Variants in OSBP2 observed in about 807,000 individuals in gnomAD.
The protein encoded by OSBP2 is oxysterol binding protein 2.
A neutral mutation model predicts 96.0 loss-of-function variants in OSBP2; 66 were observed. That is an observed-to-expected ratio of 0.69 (90% confidence interval 0.56 to 0.84). OSBP2 has a LOEUF of 0.84. OSBP2 is among the 40% of genes least tolerant of loss of function. OSBP2 has a pLI of 0.00. For missense variants in OSBP2, 1,038 were observed against 1,222.7 expected, an observed-to-expected ratio of 0.85 and a Z score of 2.25; for synonymous variants, 525 against 520.9, an observed-to-expected ratio of 1.01 and a Z score of -0.11.
intron 1 of OSBP2, among the ~76,000 whole-genome samples, chr22:30,726,057 G>A (rs947115504): frequency 6.6e-5 from 10 of 152,152 alleles, no homozygotes; most frequent in Non-Finnish European, 1.0e-4. Context: ...TGGGATTACA[G>A]GCATGAGCCC....
At chr22:30,837,132 T>A (rs1318167368) in intron 2 of OSBP2, among the ~76,000 whole-genome samples, 2 of 151,848 alleles carry the variant, frequency 1.3e-5, no homozygotes, top group Non-Finnish European at 2.9e-5. Flanking sequence ...TGTAGTGGCA[T>A]CTACCTGTAA....
In OSBP2 at chr22:30,710,963, C is replaced by T. The variant is rs192581874; in HGVS notation, c.644+15410C>T. On this transcript the variant is annotated intron_variant, in intron 1 of 13. Coordinates refer to ENST00000332585, the MANE Select transcript of OSBP2 (RefSeq NM_030758.4). ...TTCACCATGTTGGCCAGGCTGGTCT[C>T]GAACTCCTTGACCTCAGGCGATCCG... 1.2e-4 allele frequency among the ~76,000 whole-genome samples: 18 copies of T among 152,090 alleles called. No homozygotes were observed. In the East Asian group the frequency reaches 1.4e-3, roughly 11 times the overall value.
chr22:30,760,181 T>G (rs1181501934), intron 2 of OSBP2, among the ~76,000 whole-genome samples: 1 of 150,830 alleles, frequency 6.6e-6, no homozygotes, highest in African/African-American at 2.4e-5. Flanking sequence ...TTTTTTTTTT[T>G]GAGACAGAGT....
At position 30,884,250 on chromosome 22, in the gene OSBP2, C is replaced by T. The variant is rs1309627915; in HGVS notation, c.1108-3176C>T. On this transcript the variant is annotated intron_variant, in intron 3 of 13. Coordinates refer to ENST00000332585, the MANE Select transcript of OSBP2 (RefSeq NM_030758.4). The stretch of plus-strand genomic sequence containing the variant: ...AGGCCTTTCCCCCTGCCTCAACCTG[C>T]AGGGAGGAGACCTTCATCTGTCCAA... 2.6e-5 allele frequency among the ~76,000 whole-genome samples: 4 copies of T among 152,214 alleles called. No individual in the cohort carries two copies. In the East Asian group the frequency reaches 7.7e-4, roughly 29 times the overall value.
rs2039434206 is a variant in OSBP2 at position 30,870,446 on chromosome 22, G to A, written c.871G>A (p.Asp291Asn). 1.2e-6 allele frequency: 2 copies of A among 1,613,866 alleles called. No individual in the cohort carries two copies. The highest frequency in any genetic ancestry group is 1.1e-5 in the South Asian group (1 of 91,074). Residue 291 changes from aspartate (D) to asparagine (N), a missense_variant, in exon 3 of 14, where the codon GAC becomes AAC. This residue lies in a region of OSBP2 where 737 missense variants were observed against 913.3 expected (regional missense o/e 0.81). Coordinates refer to ENST00000332585, the MANE Select transcript of OSBP2 (RefSeq NM_030758.4). This position sits in a 1 kb window ranked among gnomAD's most constrained non-coding sequence, Gnocchi z 4.1. ...NTHSDDSGDD[D>N]EATTPADKSE... is the part of the protein sequence containing the mutation. ...TTCCACAGATGACTCTGGGGACGAC[G>A]ACGAGGCTACCACCCCAGCCGACAA... is the stretch of plus-strand genomic sequence containing the variant.
At chr22:30,814,436 T>TG (rs200022692) in intron 2 of OSBP2, among the ~76,000 whole-genome samples, 2,167 of 118,778 alleles carry the variant, frequency 0.018, 54 homozygotes, top group African/African-American at 0.1. Context: ...CTCGTTGGGT[T>TG]TTTTTTTTTT....
At chr22:30,850,556 G>A (rs542201195) in intron 2 of OSBP2, among the ~76,000 whole-genome samples, 2 of 152,258 alleles carry the variant, frequency 1.3e-5, no homozygotes, top group African/African-American at 4.8e-5. Context: ...CTAGAGTGCA[G>A]TGGTGTGATC....
chr22:30,709,071 CCTG>C (rs1343813102), intron 1 of OSBP2, among the ~76,000 whole-genome samples: 1 of 151,658 alleles, frequency 6.6e-6, no homozygotes, highest in Non-Finnish European at 1.5e-5. Context: ...TGCACTCTAG[CCTG>C]GACAACAAGA....
At chr22:30,707,158 G>A (rs2089267765) in intron 1 of OSBP2, among the ~76,000 whole-genome samples, 1 of 151,860 alleles carries the variant, frequency 6.6e-6, no homozygotes, top group Non-Finnish European at 1.5e-5. Flanking sequence ...GTGCAGTGGC[G>A]TGATCTCAGC....
chr22:30,760,111 G>T (rs188287359), intron 2 of OSBP2, among the ~76,000 whole-genome samples: 3 of 150,298 alleles, frequency 2.0e-5, no homozygotes, highest in East Asian at 1.9e-4. Flanking sequence ...CAGGTGATCC[G>T]CCTGCCTTGG....
intron 1 of OSBP2, among the ~76,000 whole-genome samples, chr22:30,710,463 C>G (rs1384929760): frequency 6.6e-6 from 1 of 152,068 alleles, no homozygotes; most frequent in Non-Finnish European, 1.5e-5. Context: ...TCATGTTGTC[C>G]GGCCATGTCT....
At chr22:30,809,879 C>A in intron 2 of OSBP2, among the ~76,000 whole-genome samples, 2 of 152,098 alleles carry the variant, frequency 1.3e-5, no homozygotes, top group Non-Finnish European at 2.9e-5. Context: ...TATAGGGACA[C>A]AAGGAGAAGG....
chr22:30,764,317 G>A, intron 2 of OSBP2: 1 of 985,250 alleles, frequency 1.0e-6, no homozygotes, highest in South Asian at 4.7e-5. Flanking sequence ...GGTGGCTGGT[G>A]GCCCTAGAGG....
intron 2 of OSBP2, among the ~76,000 whole-genome samples, chr22:30,840,252 A>G (rs1185039724): frequency 6.6e-6 from 1 of 151,634 alleles, no homozygotes; most frequent in Non-Finnish European, 1.5e-5. Context: ...CTTGTTGCAA[A>G]CAAACCCTGG....
intron 2 of OSBP2, among the ~76,000 whole-genome samples, chr22:30,792,919 A>G (rs1310518101): frequency 1.3e-5 from 2 of 152,172 alleles, no homozygotes; most frequent in Non-Finnish European, 2.9e-5. Flanking sequence ...TACATGCATT[A>G]TGGGTCATCT....
intron 6 of OSBP2, 29 bp from the exon 7 acceptor site, chr22:30,889,461 C>T (rs570467226): frequency 1.5e-4 from 234 of 1,613,502 alleles, no homozygotes; most frequent in South Asian, 4.0e-4. Context: ...CCTCTGCTGA[C>T]GGTGAGGGGG....
At chr22:30,872,909 G>C (rs117434456) in intron 3 of OSBP2, among the ~76,000 whole-genome samples, 32 of 152,304 alleles carry the variant, frequency 2.1e-4, no homozygotes, top group Non-Finnish European at 4.1e-4. Flanking sequence ...AGGCAAAGCC[G>C]GCCACTTGCC....
intron 2 of OSBP2, among the ~76,000 whole-genome samples, chr22:30,843,450 C>T (rs967876773): frequency 7.5e-6 from 1 of 133,172 alleles, no homozygotes; most frequent in Non-Finnish European, 1.6e-5. Context: ...TCTTTCCCCC[C>T]TCCCCCTTGA....
At chr22:30,698,984 C>T (rs1048087265) in intron 1 of OSBP2, among the ~76,000 whole-genome samples, 17 of 152,062 alleles carry the variant, frequency 1.1e-4, no homozygotes, top group African/African-American at 4.1e-4. Context: ...TTCTGTTGCC[C>T]AGGCTGGAGC....
Sources: allele counts gnomAD v4.1 joint callset (sites outside exome capture counted in the v4.1 genomes callset), GRCh38; gene constraint gnomAD v4.1.1; regional missense constraint gnomAD v4.1.1; non-coding constraint Gnocchi (gnomAD v3.1); transcripts MANE v1.5; gene names NCBI Gene and HGNC (gene_info 2026-07-23, HGNC 2026-07-21).